The following METTL16 variants were observed in gnomAD, a reference collection of about 807,000 sequenced individuals.
METTL16 encodes the protein methyltransferase 16, RNA N6-adenosine.
In METTL16, 19 loss-of-function variants were observed where a neutral mutation model predicts 57.9. The observed-to-expected ratio is 0.33, with a 90% CI of 0.23 to 0.48. The LOEUF (loss-of-function observed/expected upper bound fraction) is 0.48, where lower values mean the gene tolerates loss of function less well. METTL16 is among the 20% of genes least tolerant of loss of function. METTL16 has a pLI of 0.99. For synonymous variants in METTL16, 246 were observed against 255.6 expected, an observed-to-expected ratio of 0.96 and a Z score of 0.36; for missense variants, 434 against 691.5, an observed-to-expected ratio of 0.63 and a Z score of 4.18.
At chr17:2,469,046 C>G (rs564156926) in intron 4 of METTL16, among the ~76,000 whole-genome samples, 6 of 151,874 alleles carry the variant, frequency 4.0e-5, no homozygotes, top group African/African-American at 1.5e-4. Context: ...ACCTGCCTGG[C>G]CAACATGGTG....
chr17:2,509,103 G>GCTTCTCCCTCAGAGATCTTCAGTTTACTA (rs2067568348), intron 1 of METTL16, among the ~76,000 whole-genome samples: 1 of 152,168 alleles, frequency 6.6e-6, no homozygotes, highest in Non-Finnish European at 1.5e-5. Context: ...ACCCTGTGCT[G>GCTTCTCCCTCAGAGATCTTCAGTTTACTA]CTTCTCCCTC....
chr17:2,498,131 T>C lies in METTL16; in HGVS notation c.128+4073A>G, dbSNP rs533651123. 8.4e-3 allele frequency among the ~76,000 whole-genome samples: 1,272 copies of C among 150,796 alleles called. 17 individuals carry two copies. Among genetic ancestry groups the C allele is most frequent in the South Asian group, 0.029 (137 of 4,782 alleles). On this transcript the variant is annotated intron_variant, in intron 2 of 9. Coordinates refer to ENST00000263092, the MANE Select transcript of METTL16 (RefSeq NM_024086.4). ...ATGGCGTGAACCCGGGAGGCAGAGC[T>C]TGCAGTGAGCCGAGATCGCGCCACT...
rs372129028 is a variant in METTL16 at position 2,492,038 on chromosome 17, T to C, written c.128+10166A>G. Among the ~76,000 whole-genome samples, 1,306 of 148,208 alleles carry C rather than the reference T, an allele frequency of 8.8e-3. 7 individuals are homozygous for C. The highest frequency in any genetic ancestry group is 0.012 in the Non-Finnish European group (798 of 66,484). On this transcript the variant is annotated intron_variant, in intron 2 of 9. Transcript: ENST00000263092. ...CATCCTGGCTAACACGGTGAAACCC[T>C]GTCTCTACTAAAAATACAAAAAATT...
intron 8 of METTL16, among the ~76,000 whole-genome samples, chr17:2,426,031 A>C (rs76696211): frequency 2.9e-5 from 2 of 69,088 alleles, no homozygotes; most frequent in African/African-American, 1.3e-4. Context: ...TGGCTAAGGC[A>C]AAAAAAAAAA....
Position 2,420,135 on chromosome 17 carries a change from T to C in METTL16, c.1524A>G (p.Pro508=). Residue 508 remains proline (P), a synonymous_variant, in exon 10 of 10, where the codon CCA becomes CCG. Transcript: ENST00000263092. The surrounding 1 kb of genome is among the most constrained non-coding windows in gnomAD (Gnocchi z 5.4). ...SPVAERGKRL[P]GVAGQYLFKC... Reference sequence around the variant, plus strand: ...TAAACAGGTACTGTCCGGCCACTCCTGGGAGACGTTTCCCCCTTTCAGCCA... The same window carrying C: ...TAAACAGGTACTGTCCGGCCACTCCCGGGAGACGTTTCCCCCTTTCAGCCA... 3 of 1,614,260 alleles carry C rather than the reference T, an allele frequency of 1.9e-6. No individual in the cohort carries two copies. The highest frequency in any genetic ancestry group is 2.5e-6 in the Non-Finnish European group (3 of 1,180,046).
At chr17:2,424,562 A>G (rs2066801483) in intron 8 of METTL16, 1 of 152,316 alleles carries the variant, frequency 6.6e-6, no homozygotes, top group Non-Finnish European at 1.5e-5. Flanking sequence ...CATTCGGAAG[A>G]TTTCTAATGA....
chr17:2,458,970 C>G (rs1222349842), intron 6 of METTL16, among the ~76,000 whole-genome samples: 1 of 152,046 alleles, frequency 6.6e-6, no homozygotes, highest in Non-Finnish European at 1.5e-5. Flanking sequence ...CCACATCCAG[C>G]TAATTTTTGT....
chr17:2,490,618 G>C (rs2067380839), intron 2 of METTL16, among the ~76,000 whole-genome samples: 1 of 152,172 alleles, frequency 6.6e-6, no homozygotes, highest in Non-Finnish European at 1.5e-5. Flanking sequence ...TGTCTGTATA[G>C]TAAAAAATAA....
chr17:2,422,845 G>A (rs1295130836), intron 8 of METTL16, among the ~76,000 whole-genome samples: 1 of 18 alleles, frequency 0.056, no homozygotes, highest in African/African-American at 0.25. Flanking sequence ...TTAGCCGGGT[G>A]TGGTGGCCGC....
intron 3 of METTL16, among the ~76,000 whole-genome samples, chr17:2,473,987 T>C (rs1185573887): frequency 6.6e-6 from 1 of 152,218 alleles, no homozygotes; most frequent in Non-Finnish European, 1.5e-5. Flanking sequence ...TTATGGCTAC[T>C]GGGTTCCCTA....
At chr17:2,445,211 C>T (rs2066986148) in intron 6 of METTL16, among the ~76,000 whole-genome samples, 1 of 152,110 alleles carries the variant, frequency 6.6e-6, no homozygotes, top group South Asian at 2.1e-4. Flanking sequence ...ATACACAAAA[C>T]TTACCACTGT....
chr17:2,489,116 T>TA (rs2067365099), intron 2 of METTL16, among the ~76,000 whole-genome samples: 1 of 115,442 alleles, frequency 8.7e-6, no homozygotes, highest in Non-Finnish European at 1.9e-5. Flanking sequence ...TCATTCTTTT[T>TA]TTTTTATTTT....
At chr17:2,502,565 G>A (rs946019148) in intron 1 of METTL16, among the ~76,000 whole-genome samples, 9 of 152,042 alleles carry the variant, frequency 5.9e-5, no homozygotes, top group Admixed American at 6.6e-5. Context: ...GCGGGAGCCT[G>A]TAATCCCAGC....
chr17:2,452,136 CAAAA>C (rs1268908998), intron 6 of METTL16, among the ~76,000 whole-genome samples: 2 of 62,158 alleles, frequency 3.2e-5, no homozygotes. Flanking sequence ...GCCCTTGTCT[CAAAA>C]AAAAAAAAAA....
At chr17:2,508,942 T>A (rs1433024391) in intron 1 of METTL16, among the ~76,000 whole-genome samples, 1 of 152,162 alleles carries the variant, frequency 6.6e-6, no homozygotes, top group Non-Finnish European at 1.5e-5. Context: ...CTATTCTTAC[T>A]GCCTGTAAGA....
intron 8 of METTL16, among the ~76,000 whole-genome samples, chr17:2,426,030 CAAAAAAAA>C (rs71375599): frequency 1.1e-5 from 1 of 93,166 alleles, no homozygotes; most frequent in African/African-American, 3.8e-5. Context: ...ATGGCTAAGG[CAAAAAAAA>C]AAAAAAAAAG....
intron 2 of METTL16, among the ~76,000 whole-genome samples, chr17:2,485,842 C>T (rs905957187): frequency 1.3e-5 from 2 of 152,052 alleles, no homozygotes; most frequent in Admixed American, 6.6e-5. Context: ...ACTATAACTG[C>T]GACAGATGCT....
At position 2,463,462 on chromosome 17, in the gene METTL16, T is replaced by C. The variant is rs556135673; in HGVS notation, c.728+746A>G. ...ACTACCTTTGCAATCTTTATTTTTA[T>C]TTTCATTTTTATTTTTGGAGAAGGA... is the stretch of plus-strand genomic sequence containing the variant. On this transcript the variant is annotated intron_variant, in intron 6 of 9. Transcript: ENST00000263092. Among the ~76,000 whole-genome samples, 15 of 152,232 alleles carry C rather than the reference T, an allele frequency of 9.9e-5. No individual in the cohort carries two copies. The South Asian group carries it at 3.1e-3, about 32-fold the overall frequency.
chr17:2,423,536 T>TA (rs1320097932), intron 8 of METTL16, among the ~76,000 whole-genome samples: 1 of 152,154 alleles, frequency 6.6e-6, no homozygotes, highest in African/African-American at 2.4e-5. Flanking sequence ...AGAAGCGTAT[T>TA]AAGCCGGTGT....
Sources: gnomAD v4.1 joint callset for allele counts (sites outside exome capture counted in the v4.1 genomes callset) on GRCh38, gnomAD v4.1.1 for gene constraint, Gnocchi (gnomAD v3.1) non-coding constraint, MANE v1.5 for transcripts, NCBI Gene and HGNC (gene_info 2026-07-23, HGNC 2026-07-21) for gene names.